UPP2: variants seen among roughly 807,000 people sequenced by gnomAD.
The protein encoded by UPP2 is UPase 2.
Under a neutral mutation model 26.7 loss-of-function variants are expected in UPP2, and 23 were observed. The ratio of observed to expected loss-of-function variants is 0.86; its 90% CI spans 0.62 to 1.22. The LOEUF (loss-of-function observed/expected upper bound fraction) is 1.22, where lower values mean the gene tolerates loss of function less well. Among genes scored for constraint, UPP2 ranks in the 50% most tolerant of loss-of-function variants. The pLI, the probability that UPP2 is intolerant of heterozygous loss-of-function variation, is 0.00. For synonymous variants in UPP2, 127 were observed against 141.3 expected (o/e 0.90, Z 0.72); for missense variants, 387 against 396.7 (o/e 0.98, Z 0.21).
At chr2:158,060,646 C>A (rs1171037901) in intron 3 of UPP2, among the ~76,000 whole-genome samples, 1 of 152,176 alleles carries the variant, frequency 6.6e-6, no homozygotes, top group Non-Finnish European at 1.5e-5. Context: ...TATGTTGAAG[C>A]CCTAACTTCC....
intron 3 of UPP2, among the ~76,000 whole-genome samples, chr2:158,032,809 GT>G (rs1683943374): frequency 6.6e-6 from 1 of 152,162 alleles, no homozygotes; most frequent in Non-Finnish European, 1.5e-5. Context: ...TGGTTTTTGA[GT>G]TGCTAAATAG....
rs750449919 is a variant in UPP2, at chr2:158,121,419, A to G, written c.465A>G (p.Pro155=). The G allele has an allele frequency of 5.6e-6, 9 of 1,612,484 alleles. No individual in the cohort carries two copies. In the African/African-American group the frequency reaches 1.1e-4, roughly 19 times the overall value. The part of the protein sequence containing the change: ...IGTSGGIGIA[P]GTVVITDIAV... ...ATTCCCACATTGCAGGGATTGCACCAGGGACTGTTGTAATAACGGATATAG... is the reference window on the plus strand; with the variant it reads ...ATTCCCACATTGCAGGGATTGCACCGGGGACTGTTGTAATAACGGATATAG... Residue 155 remains proline (P), a synonymous_variant, in exon 5 of 7, where the codon CCA becomes CCG. Coordinates refer to ENST00000005756, the MANE Select transcript of UPP2 (RefSeq NM_173355.4).
At chr2:158,124,869 A>T (rs910532021) in intron 6 of UPP2, among the ~76,000 whole-genome samples, 1 of 152,212 alleles carries the variant, frequency 6.6e-6, no homozygotes, top group Non-Finnish European at 1.5e-5. Context: ...GTAGACATCA[A>T]AATGGAGGCC....
chr2:158,114,410 G>A (rs561259955), intron 2 of UPP2, among the ~76,000 whole-genome samples: 12 of 152,260 alleles, frequency 7.9e-5, no homozygotes, highest in African/African-American at 2.6e-4. Flanking sequence ...CCAGACAATT[G>A]TATTACCATC....
chr2:158,046,661 T>C (rs769696074), intron 3 of UPP2, among the ~76,000 whole-genome samples: 2 of 152,212 alleles, frequency 1.3e-5, no homozygotes, highest in Non-Finnish European at 2.9e-5. Context: ...ATTGAAAATG[T>C]TCTGTCTTGA....
At chr2:158,076,111 C>A (rs1682627206) in intron 3 of UPP2, among the ~76,000 whole-genome samples, 1 of 151,880 alleles carries the variant, frequency 6.6e-6, no homozygotes, top group Admixed American at 6.6e-5. Flanking sequence ...TACCACCTAA[C>A]AAGATTGAAC....
intron 3 of UPP2, among the ~76,000 whole-genome samples, chr2:158,018,196 G>A (rs892717115): frequency 1.3e-5 from 2 of 152,196 alleles, no homozygotes; most frequent in African/African-American, 2.4e-5. Context: ...ACTAGTTTTA[G>A]TGACTAAATA....
At chr2:158,032,191 C>T (rs1258855667) in intron 3 of UPP2, among the ~76,000 whole-genome samples, 5 of 152,142 alleles carry the variant, frequency 3.3e-5, no homozygotes, top group African/African-American at 4.8e-5. Context: ...GCAGATATTG[C>T]TGATTTTGGC....
intron 3 of UPP2, among the ~76,000 whole-genome samples, chr2:158,051,346 C>T (rs1574264135): frequency 1.3e-5 from 2 of 151,918 alleles, no homozygotes; most frequent in Non-Finnish European, 1.5e-5. Flanking sequence ...TCAGTGAGAT[C>T]CTGGAAAAAG....
At chr2:158,091,260 T>C (rs1392532748) in intron 3 of UPP2, among the ~76,000 whole-genome samples, 5 of 152,134 alleles carry the variant, frequency 3.3e-5, no homozygotes, top group Non-Finnish European at 7.3e-5. Context: ...AAAATAGATA[T>C]GGACTACAAA....
intron 5 of UPP2, 29 bp downstream of exon 5, chr2:158,121,647 A>C: frequency 6.3e-7 from 1 of 1,582,988 alleles, no homozygotes; most frequent in Non-Finnish European, 8.7e-7. Flanking sequence ...CTGTGAAGGA[A>C]ACAGAAAAAT....
At chr2:158,012,344 T>C (rs1276695579) in intron 2 of UPP2, among the ~76,000 whole-genome samples, 1 of 140,830 alleles carries the variant, frequency 7.1e-6, no homozygotes, top group Non-Finnish European at 1.5e-5. Context: ...CTCGGCTCGC[T>C]GCAACCTCTG....
At chr2:158,087,113 G>A (rs1222623659) in intron 3 of UPP2, among the ~76,000 whole-genome samples, 1 of 151,992 alleles carries the variant, frequency 6.6e-6, no homozygotes, top group Admixed American at 6.6e-5. Flanking sequence ...TTAATATGTT[G>A]CCATCTATAT....
intron 3 of UPP2, among the ~76,000 whole-genome samples, chr2:158,043,353 G>A (rs182257493): frequency 7.2e-5 from 11 of 152,052 alleles, no homozygotes; most frequent in East Asian, 5.8e-4. Flanking sequence ...GTGCAATCCC[G>A]ACATTGCAAA....
chr2:158,016,346 A>AT (rs558751711), intron 3 of UPP2, among the ~76,000 whole-genome samples: 179 of 147,044 alleles, frequency 1.2e-3, no homozygotes, highest in Middle Eastern at 3.5e-3. Context: ...GAATTAGATG[A>AT]TTTTTTTTTT....
intron 2 of UPP2, among the ~76,000 whole-genome samples, chr2:157,997,596 C>T (rs912218873): frequency 3.9e-5 from 6 of 152,104 alleles, no homozygotes; most frequent in Admixed American, 6.6e-5. Flanking sequence ...GGGAAGATGC[C>T]ACCATGGTCT....
chr2:158,067,617 A>G (rs997301825), intron 3 of UPP2, among the ~76,000 whole-genome samples: 2 of 150,790 alleles, frequency 1.3e-5, no homozygotes, highest in African/African-American at 2.5e-5. Context: ...TTACAAATCG[A>G]TGTGTTCAGA....
chr2:158,008,982 CCT>C (rs1262381000), intron 2 of UPP2, among the ~76,000 whole-genome samples: 2 of 152,054 alleles, frequency 1.3e-5, no homozygotes, highest in Non-Finnish European at 2.9e-5. Flanking sequence ...CTTTTTCTCC[CCT>C]CTTTAATAGC....
At chr2:158,065,735 C>A in intron 3 of UPP2, 1 of 671,826 alleles carries the variant, frequency 1.5e-6, no homozygotes, top group Non-Finnish European at 2.8e-6. Context: ...AAGAAGGTAC[C>A]CATGTTCTCG....
Sources: allele counts gnomAD v4.1 joint callset (sites outside exome capture counted in the v4.1 genomes callset), GRCh38; gene constraint gnomAD v4.1.1; transcripts MANE v1.5; gene names NCBI Gene and HGNC (gene_info 2026-07-23, HGNC 2026-07-21).